Variants in DGLUCY observed in about 807,000 individuals in gnomAD.
DGLUCY encodes D-glutamate cyclase, also known as D-glutamate cyclase, mitochondrial.
Under a neutral mutation model 58.5 loss-of-function variants are expected in DGLUCY, and 58 were observed. The ratio of observed to expected loss-of-function variants is 0.99; its 90% CI spans 0.80 to 1.23. The LOEUF is 1.23. Ranked by LOEUF, DGLUCY falls within the 50% of genes most tolerant of loss-of-function variation. The pLI, the probability that DGLUCY is intolerant of heterozygous loss-of-function variation, is 0.00. For missense variants in DGLUCY, 779 were observed against 784.7 expected, an observed-to-expected ratio of 0.99 and a Z score of 0.09; for synonymous variants, 325 against 314.1, an observed-to-expected ratio of 1.03 and a Z score of -0.37.
At chr14:91,158,132 T>G (rs896899066) in intron 2 of DGLUCY, among the ~76,000 whole-genome samples, 3 of 152,196 alleles carry the variant, frequency 2.0e-5, no homozygotes, top group African/African-American at 7.2e-5. Context: ...CTCTGCAGTG[T>G]GCAGTGACCC....
chr14:91,110,467 G>A (rs12437199), upstream of DGLUCY, among the ~76,000 whole-genome samples: 19,354 of 129,888 alleles, frequency 0.15, 1,389 homozygotes, highest in Admixed American at 0.2. Context: ...GTCTCGCTCT[G>A]TCACCCAGGC....
Position 91,173,992 on chromosome 14 carries a change from A to G in DGLUCY, c.607+553A>G, listed in dbSNP as rs1276438210. On this transcript the variant is annotated intron_variant, in intron 6 of 13. Coordinates refer to ENST00000256324, the MANE Select transcript of DGLUCY (RefSeq NM_001102368.3). ...CAGGGTGGGGCTGGTCACCAGAAAG[A>G]CTAAGGTAGGATTAGAGGGTTGGGA... is the stretch of plus-strand genomic sequence containing the variant. Among the ~76,000 whole-genome samples the G allele has an allele frequency of 2.0e-5, 3 of 152,056 alleles. No homozygotes were observed. In the East Asian group the frequency reaches 5.8e-4, roughly 29 times the overall value.
chr14:91,166,191 A>G (rs1276433757), intron 3 of DGLUCY, among the ~76,000 whole-genome samples: 3 of 152,214 alleles, frequency 2.0e-5, no homozygotes, highest in Admixed American at 2.0e-4. Flanking sequence ...TGCTGGTTAC[A>G]TGGGTGCATT....
intron 1 of DGLUCY, among the ~76,000 whole-genome samples, chr14:91,127,279 A>G (rs1297797431): frequency 6.6e-6 from 1 of 151,536 alleles, no homozygotes; most frequent in Non-Finnish European, 1.5e-5. Context: ...CTGGTCTTGA[A>G]CTCCTGGCCT....
intron 1 of DGLUCY, among the ~76,000 whole-genome samples, chr14:91,096,823 C>G (rs2044402998): frequency 1.3e-5 from 2 of 152,174 alleles, no homozygotes. Flanking sequence ...AGTTGGCCCA[C>G]TGAGAGGGAG....
In DGLUCY at chr14:91,205,255, A is replaced by G. The variant is rs113201822; in HGVS notation, c.1564+430A>G. ...GATCTGTGCTTTTATCTGCATGAAC[A>G]GTAAGAAAACTATCTGGTAAGTGTT... On this transcript the variant is annotated intron_variant, in intron 12 of 13. Transcript: ENST00000256324. Among the ~76,000 whole-genome samples the G allele has an allele frequency of 3.3e-5, 5 of 152,320 alleles. 1 individual carries two copies. The highest frequency in any genetic ancestry group is 1.2e-4 in the African/African-American group (5 of 41,584).
chr14:91,172,351 T>C (rs2140408868), intron 5 of DGLUCY, among the ~76,000 whole-genome samples: 1 of 152,324 alleles, frequency 6.6e-6, no homozygotes, highest in African/African-American at 2.4e-5. Context: ...AGTGCTGGTA[T>C]TACAGGCATG....
At chr14:91,216,109 G>T in intron 13 of DGLUCY, 1 of 221,778 alleles carries the variant, frequency 4.5e-6, no homozygotes, top group Non-Finnish European at 9.1e-6. Context: ...GGAATGGGGG[G>T]AGCAGGGGCT....
At chr14:91,108,868 T>A (rs12433342) in intron 1 of DGLUCY, among the ~76,000 whole-genome samples, 2,705 of 152,168 alleles carry the variant, frequency 0.018, 94 homozygotes, top group African/African-American at 0.061. Context: ...ATAAATGATG[T>A]AACCAAAATA....
chr14:91,160,131 C>A, intron 2 of DGLUCY, 135 bp from the exon 3 acceptor site: 2 of 658,588 alleles, frequency 3.0e-6, no homozygotes, highest in Non-Finnish European at 5.4e-6. Context: ...AAACAATGCC[C>A]ACCACAAGGC....
rs2048834433 is a variant in DGLUCY at position 91,176,043 on chromosome 14, T to G, written c.717T>G (p.Ala239=). ...CTTCTCCGCTGACCAGTCTCGGAGCTGTCAGCAGCTGTGGTACGTTGGGGG... is the reference window on the plus strand; with the variant it reads ...CTTCTCCGCTGACCAGTCTCGGAGCGGTCAGCAGCTGTGGTACGTTGGGGG... ...FWPSPLTSLG[A]VSSCETPLAF... is the part of the protein sequence containing the mutation. Residue 239 remains alanine (A), a synonymous_variant, in exon 7 of 14, where the codon GCT becomes GCG. Coordinates refer to ENST00000256324, the MANE Select transcript of DGLUCY (RefSeq NM_001102368.3). 1 of 1,613,796 alleles carries G rather than the reference T, an allele frequency of 6.2e-7. No homozygotes were observed.
intron 1 of DGLUCY, among the ~76,000 whole-genome samples, chr14:91,096,211 C>T (rs186498526): frequency 1.3e-4 from 20 of 152,084 alleles, no homozygotes; most frequent in African/African-American, 3.6e-4. Context: ...GTCAGGAGTT[C>T]GAGACCAACC....
chr14:91,223,369 CCTT>C (rs1236111104), intron 13 of DGLUCY, among the ~76,000 whole-genome samples: 3 of 152,168 alleles, frequency 2.0e-5, no homozygotes, highest in Non-Finnish European at 4.4e-5. Context: ...AGGGAGAGAG[CCTT>C]CTTATAGCCG....
At position 91,133,692 on chromosome 14, in the gene DGLUCY, T is replaced by C. The variant is rs569787449; in HGVS notation, c.-82+19409T>C. Among the ~76,000 whole-genome samples the C allele has an allele frequency of 4.6e-5, 7 of 152,236 alleles. No individual in the cohort carries two copies. The East Asian group carries it at 1.3e-3, about 29-fold the overall frequency. Reference sequence around the variant, plus strand: ...GCATGAGCCACCGCCTGTAGCCCAATGTTAATTTTCTGAGGAACAGCCATA... The same window carrying C: ...GCATGAGCCACCGCCTGTAGCCCAACGTTAATTTTCTGAGGAACAGCCATA... On this transcript the variant is annotated intron_variant, in intron 1 of 13. Coordinates refer to ENST00000256324, the MANE Select transcript of DGLUCY (RefSeq NM_001102368.3).
At chr14:91,121,957 A>G (rs1052299128) in intron 1 of DGLUCY, among the ~76,000 whole-genome samples, 1 of 152,206 alleles carries the variant, frequency 6.6e-6, no homozygotes, top group South Asian at 2.1e-4. Flanking sequence ...AGTGCTCAAC[A>G]CATTTGCTTG....
intron 1 of DGLUCY, among the ~76,000 whole-genome samples, chr14:91,127,872 G>A (rs907782863): frequency 9.9e-5 from 15 of 151,294 alleles, no homozygotes; most frequent in Admixed American, 3.3e-4. Context: ...TTTTCTCACC[G>A]AGCTTACTGA....
At chr14:91,199,384 C>T (rs890336609) in intron 10 of DGLUCY, among the ~76,000 whole-genome samples, 2 of 151,958 alleles carry the variant, frequency 1.3e-5, no homozygotes, top group South Asian at 4.2e-4. Context: ...ATCAGCCTCC[C>T]GAGTAGCTGG....
At chr14:91,160,996 A>T (rs2047948500) in intron 3 of DGLUCY, among the ~76,000 whole-genome samples, 1 of 152,242 alleles carries the variant, frequency 6.6e-6, no homozygotes, top group African/African-American at 2.4e-5. Context: ...ATTTTCCTTT[A>T]GTTTATTAAT....
chr14:91,216,327 A>C (rs1886503732), intron 13 of DGLUCY: 1 of 155,058 alleles, frequency 6.4e-6, no homozygotes, highest in Non-Finnish European at 1.4e-5. Context: ...CAGATTCTTC[A>C]AGTAGTCTGG....
Sources: allele counts gnomAD v4.1 joint callset (sites outside exome capture counted in the v4.1 genomes callset), GRCh38; gene constraint gnomAD v4.1.1; transcripts MANE v1.5; gene names NCBI Gene and HGNC (gene_info 2026-07-23, HGNC 2026-07-21).